The following MTFR1 variants were observed in gnomAD, a reference collection of about 807,000 sequenced individuals.
MTFR1 encodes mitochondrial fission regulator 1, also known as chondrocyte protein with a poly-proline region.
MTFR1 carries 28 observed loss-of-function variants against 38.8 expected under a neutral mutation model. That is an observed-to-expected ratio of 0.72 (90% CI 0.53 to 0.99). The LOEUF (loss-of-function observed/expected upper bound fraction) is 0.99, where lower values mean the gene tolerates loss of function less well. Among genes scored for constraint, MTFR1 ranks in the 50% least tolerant of loss-of-function variants. The probability of loss-of-function intolerance (pLI) is 0.00; values close to 1 mark genes in which losing one functional copy is unlikely to be tolerated. For synonymous variants in MTFR1, 145 were observed against 137.0 expected (o/e 1.06, Z -0.41); for missense variants, 358 against 395.5 (o/e 0.91, Z 0.81).
chr8:65,719,876 A>T (rs1308655336), intron 3 of MTFR1: 2 of 246,854 alleles, frequency 8.1e-6, no homozygotes, highest in Non-Finnish European at 1.6e-5. Context: ...GAGGCTAAGA[A>T]GGGGTCTCCT....
At chr8:65,684,661 AG>A (rs1470970265) in intron 3 of MTFR1, among the ~76,000 whole-genome samples, 4 of 151,908 alleles carry the variant, frequency 2.6e-5, no homozygotes, top group Admixed American at 6.6e-5. Flanking sequence ...CTGGGATTAC[AG>A]GCGTGAGCCA....
chr8:65,691,674 G>A (rs1241490173), intron 3 of MTFR1, among the ~76,000 whole-genome samples: 2 of 151,750 alleles, frequency 1.3e-5, no homozygotes, highest in African/African-American at 2.4e-5. Context: ...TTTTGTGACC[G>A]AGTCTTGCTC....
intron 4 of MTFR1, among the ~76,000 whole-genome samples, chr8:65,700,358 A>G (rs1452409602): frequency 2.0e-5 from 3 of 151,422 alleles, no homozygotes; most frequent in Non-Finnish European, 1.5e-5. Context: ...TTAAAAAAAA[A>G]AAAAAAAAGA....
At chr8:65,653,954 T>C (rs1342795772) in intron 1 of MTFR1, among the ~76,000 whole-genome samples, 1 of 151,854 alleles carries the variant, frequency 6.6e-6, no homozygotes, top group Non-Finnish European at 1.5e-5. Flanking sequence ...TCCTAGCTAC[T>C]TGGGAGGCTG....
At chr8:65,644,966 C>G (rs1175107150) in intron 1 of MTFR1, among the ~76,000 whole-genome samples, 182 bp downstream of exon 1, 3 of 152,214 alleles carry the variant, frequency 2.0e-5, no homozygotes, top group African/African-American at 7.2e-5. Flanking sequence ...GGCCGGGAGG[C>G]AGAGACTGCC....
intron 3 of MTFR1, among the ~76,000 whole-genome samples, chr8:65,744,099 C>T (rs1402993442): frequency 6.6e-6 from 1 of 152,122 alleles, no homozygotes; most frequent in East Asian, 1.9e-4. Context: ...TGCCAAAGTG[C>T]GGGGATTACA....
intron 3 of MTFR1, 84 bp downstream of exon 3, chr8:65,682,535 G>T: frequency 1.3e-6 from 1 of 796,656 alleles, no homozygotes; most frequent in Non-Finnish European, 1.7e-6. Flanking sequence ...AAAGCATTTT[G>T]TTTTTGAGAC....
intron 1 of MTFR1, among the ~76,000 whole-genome samples, chr8:65,654,764 G>A (rs963986612): frequency 6.6e-6 from 1 of 152,106 alleles, no homozygotes; most frequent in Non-Finnish European, 1.5e-5. Flanking sequence ...TTTTTGTAGA[G>A]ATGGGGTCTT....
In MTFR1 at chr8:65,659,045, A is replaced by G. The variant is rs190021826; in HGVS notation, c.-80-10828A>G. 2.6e-5 allele frequency among the ~76,000 whole-genome samples: 4 copies of G among 152,272 alleles called. No homozygotes were observed. In the East Asian group the frequency reaches 7.7e-4, roughly 29 times the overall value. Reference sequence around the variant, plus strand: ...TCAGTAGTGAGTGAATCTGTTGAAGATAAGATACAGAGTTGGGGGATGTTT... The same window carrying G: ...TCAGTAGTGAGTGAATCTGTTGAAGGTAAGATACAGAGTTGGGGGATGTTT... On this transcript the variant is annotated intron_variant, in intron 1 of 7. Transcript: ENST00000262146.
At chr8:65,777,306 C>T in the MTFR1 span, among the ~76,000 whole-genome samples, 160 of 151,768 alleles carry the variant, frequency 1.1e-3, 3 homozygotes, top group East Asian at 0.025. Flanking sequence ...CTCGAACTCC[C>T]GACCTCAGAT....
At chr8:65,769,369 A>G (rs560382183) in intron 3 of MTFR1, among the ~76,000 whole-genome samples, 1 of 152,210 alleles carries the variant, frequency 6.6e-6, no homozygotes, top group South Asian at 2.1e-4. Flanking sequence ...TACAGAATTT[A>G]TTGATTAAAT....
At position 65,748,735 on chromosome 8, in the gene MTFR1, C is replaced by T. The variant is rs142494011; in HGVS notation, c.*49-22212C>T. Among the ~76,000 whole-genome samples, 9 of 152,252 alleles carry T rather than the reference C, an allele frequency of 5.9e-5. No homozygotes were observed. The East Asian group carries it at 1.5e-3, about 26-fold the overall frequency. On this transcript the variant is annotated intron_variant, in intron 3 of 3. Transcript: ENST00000521247. ...TCCAGTCACTCACTCCTCTATTAAC[C>T]TCTAGCCCTGTGTTTCCTTATGTGT...
In MTFR1 at chr8:65,708,009, T is replaced by C. The variant is rs1313157521; in HGVS notation, c.931T>C (p.Leu311=). The part of the protein sequence containing the change: ...SESEATSERV[L]FGPHMLKPTG... ...ATCAGAGGCCACCTCAGAGAGAGTG[T>C]TGGTGAGTTATTTGCCCAGATTTCT... The change falls in exon 7 of 8, where the codon TTG becomes CTG. Residue 311 remains leucine, a splice_region_variant and synonymous_variant. Transcript: ENST00000262146. 6.2e-7 allele frequency: 1 copy of C among 1,611,842 alleles called. No homozygotes were observed. The highest frequency in any genetic ancestry group is 8.5e-7 in the Non-Finnish European group (1 of 1,179,790).
At position 65,666,439 on chromosome 8, in the gene MTFR1, C is replaced by T. The variant is rs1347017869; in HGVS notation, c.-80-3434C>T. ...AACAAAAACAAAACGCTCAAAATTT[C>T]GAATAGGTTTTTCAAACTACTCCCT... is the stretch of plus-strand genomic sequence containing the variant. On this transcript the variant is annotated intron_variant, in intron 1 of 7. Transcript: ENST00000262146. 2.6e-5 allele frequency among the ~76,000 whole-genome samples: 4 copies of T among 152,104 alleles called. No homozygotes were observed. The East Asian group carries it at 5.8e-4, about 22-fold the overall frequency.
chr8:65,656,352 G>C (rs1265358915), intron 1 of MTFR1, among the ~76,000 whole-genome samples: 1 of 151,944 alleles, frequency 6.6e-6, no homozygotes, highest in Admixed American at 6.6e-5. Flanking sequence ...ATTTTTGTTA[G>C]AGCCAGGGTC....
At chr8:65,694,335 A>G (rs1458233886) in intron 4 of MTFR1, among the ~76,000 whole-genome samples, 1 of 151,956 alleles carries the variant, frequency 6.6e-6, no homozygotes, top group Non-Finnish European at 1.5e-5. Context: ...TTGCCCTCCT[A>G]AAGTGCTGGG....
intron 1 of MTFR1, among the ~76,000 whole-genome samples, chr8:65,647,630 T>C (rs995392611): frequency 8.5e-5 from 13 of 152,172 alleles, no homozygotes; most frequent in African/African-American, 3.1e-4. Flanking sequence ...TTTGAAGTGA[T>C]GATAGACTTC....
At chr8:65,708,679 T>G (rs1805855776) in intron 7 of MTFR1, among the ~76,000 whole-genome samples, 1 of 152,202 alleles carries the variant, frequency 6.6e-6, no homozygotes, top group Non-Finnish European at 1.5e-5. Context: ...GAAAGGAAAC[T>G]TTGTACTTTC....
intron 3 of MTFR1, chr8:65,727,490 G>T: frequency 4.7e-6 from 3 of 634,396 alleles, no homozygotes; most frequent in Non-Finnish European, 7.6e-6. Context: ...CACCACACTG[G>T]CAAAGCCATG....
Sources: gnomAD v4.1 joint callset for allele counts (sites outside exome capture counted in the v4.1 genomes callset) on GRCh38, gnomAD v4.1.1 for gene constraint, MANE v1.5 for transcripts, NCBI Gene and HGNC (gene_info 2026-07-23, HGNC 2026-07-21) for gene names.